Variants in PAPLN observed in about 807,000 individuals in gnomAD.
PAPLN encodes the protein papilin.
In PAPLN, 146 loss-of-function variants were observed where a neutral mutation model predicts 159.0. The observed-to-expected ratio is 0.92, with a 90% CI of 0.80 to 1.05. PAPLN has a LOEUF of 1.05. Among genes scored for constraint, PAPLN ranks in the 50% least tolerant of loss-of-function variants. PAPLN has a pLI of 0.00. For missense variants in PAPLN, 1,720 were observed against 1,743.9 expected (o/e 0.99, Z 0.24); for synonymous variants, 734 against 702.9 (o/e 1.04, Z -0.70).
Position 73,246,093 on chromosome 14 carries a change from G to C in PAPLN, c.252G>C (p.Arg84=), listed in dbSNP as rs1376639674. ...CGCAGAGCTGCCCCGACGGCGCCCG[G>C]GACTTCCGGGCCGAGCAGTGCGCGG... ...CRTESCPDGA[R]DFRAEQCAEF... The change falls in exon 5 of 27, where the codon CGG becomes CGC. Residue 84 remains arginine, a synonymous_variant. Coordinates refer to ENST00000644200, the MANE Select transcript of PAPLN (RefSeq NM_001365906.3). 4 of 1,574,718 alleles carry C rather than the reference G, an allele frequency of 2.5e-6. No individual in the cohort carries two copies. Among genetic ancestry groups the C allele is most frequent in the Admixed American group, 1.8e-5 (1 of 55,782 alleles).
At chr14:73,238,957 C>T (rs1381942429) in intron 1 of PAPLN, among the ~76,000 whole-genome samples, 2 of 152,182 alleles carry the variant, frequency 1.3e-5, no homozygotes, top group Non-Finnish European at 2.9e-5. Flanking sequence ...TGTCATTCTG[C>T]GATACAGCGA....
At chr14:73,248,958 C>G (rs1884918404) in intron 5 of PAPLN, among the ~76,000 whole-genome samples, 1 of 152,082 alleles carries the variant, frequency 6.6e-6, no homozygotes, top group Non-Finnish European at 1.5e-5. Flanking sequence ...TAGTGAGACC[C>G]TGTCTCTACA....
intron 12 of PAPLN, 66 bp from the exon 13 acceptor site, chr14:73,254,447 G>A: frequency 6.3e-7 from 1 of 1,578,180 alleles, no homozygotes; most frequent in Non-Finnish European, 8.6e-7. Flanking sequence ...TGGGCCGCTA[G>A]CTGTCCGAAC....
Position 73,252,685 on chromosome 14 carries a change from A to G in PAPLN, c.1004A>G (p.His335Arg), listed in dbSNP as rs1403957488. Residue 335 changes from histidine to arginine, a missense_variant, in exon 11 of 27, where the codon CAT becomes CGT. Coordinates refer to ENST00000644200, the MANE Select transcript of PAPLN (RefSeq NM_001365906.3). Reference protein sequence around the residue: ...QSRLVFCTIDHEAYPDHMCQR... With the variant: ...QSRLVFCTIDREAYPDHMCQR... ...CGCCTGGTGTTCTGCACCATCGACCATGAGGCCTACCCCGACCACATGTGC... is the reference window on the plus strand; with the variant it reads ...CGCCTGGTGTTCTGCACCATCGACCGTGAGGCCTACCCCGACCACATGTGC... 6.2e-7 allele frequency: 1 copy of G among 1,613,370 alleles called. No individual in the cohort carries two copies. The highest frequency in any genetic ancestry group is 2.2e-5 in the East Asian group (1 of 44,870).
rs772921950 is a variant in PAPLN at position 73,253,787 on chromosome 14, C to T, written c.1128C>T (p.Ala376=). The T allele has an allele frequency of 1.2e-6, 2 of 1,608,374 alleles. No homozygotes were observed. Among genetic ancestry groups the T allele is most frequent in the South Asian group, 2.2e-5 (2 of 90,842 alleles). The change falls in exon 12 of 27, where the codon GCC becomes GCT. Residue 376 remains alanine, a synonymous_variant. Transcript: ENST00000644200. Reference sequence around the variant, plus strand: ...CAGGGCCATGGGCACCCTGCTCAGCCTCCTGTGGAGGAGGCTCCCAGTCCC... The same window carrying T: ...CAGGGCCATGGGCACCCTGCTCAGCTTCCTGTGGAGGAGGCTCCCAGTCCC... The part of the protein sequence containing the change: ...WKAGPWAPCS[A]SCGGGSQSRS...
At position 73,268,695 on chromosome 14, in the gene PAPLN, C is replaced by A; in HGVS notation, c.3639C>A (p.Arg1213=). The A allele has an allele frequency of 6.2e-7, 1 of 1,613,054 alleles. No individual in the cohort carries two copies. The highest frequency in any genetic ancestry group is 2.2e-5 in the East Asian group (1 of 44,798). ...ACCAGGGGAGCCAGGCAGTCAGCCG[C>A]AGCACCGAGGTGAAGGTGGTCTCAC... ...SAYQGSQAVS[R]STEVKVVSPA... is the part of the protein sequence containing the mutation. The change falls in exon 26 of 27, where the codon CGC becomes CGA. Residue 1213 remains arginine (R), a synonymous_variant. Transcript: ENST00000644200.
Position 73,263,300 on chromosome 14 carries a change from G to C in PAPLN, c.2724-345G>C, listed in dbSNP as rs1456468667. ...GGGAAGGTTAAAAACAAAATTAAAA[G>C]CGTTGTGTTCCACATGGGTCGAGCG... On this transcript the variant is annotated intron_variant, in intron 19 of 26. Transcript: ENST00000644200. 3 of 405,590 alleles carry C rather than the reference G, an allele frequency of 7.4e-6. No homozygotes were observed. In the East Asian group the frequency reaches 1.2e-4, roughly 17 times the overall value. The allele number at this position is 405,590 out of a possible 1,614,324, so 25.1% of individuals were successfully genotyped here.
rs1253973801 is a variant in PAPLN, at chr14:73,260,072, G to T, written c.1985+527G>T. Among the ~76,000 whole-genome samples the T allele has an allele frequency of 1.3e-5, 2 of 152,310 alleles. 1 individual carries two copies. Among genetic ancestry groups the T allele is most frequent in the African/African-American group, 4.8e-5 (2 of 41,568 alleles). Reference sequence around the variant, plus strand: ...AGGTGCTTCTGGGCCCAGACTTTGTGGCCAGTAGCCTGGGGGCAGTTCCCA... The same window carrying T: ...AGGTGCTTCTGGGCCCAGACTTTGTTGCCAGTAGCCTGGGGGCAGTTCCCA... On this transcript the variant is annotated intron_variant, in intron 16 of 26. Coordinates refer to ENST00000644200, the MANE Select transcript of PAPLN (RefSeq NM_001365906.3).
intron 25 of PAPLN, chr14:73,268,232 A>G: frequency 4.0e-6 from 1 of 250,512 alleles, no homozygotes; most frequent in Non-Finnish European, 7.6e-6. Context: ...CGATGCTGAC[A>G]CACTATCTGG....
chr14:73,252,280 A>G, intron 10 of PAPLN, 139 bp downstream of exon 10: 2 of 1,334,076 alleles, frequency 1.5e-6, no homozygotes, highest in Non-Finnish European at 2.0e-6. Flanking sequence ...TCTCTGTGTT[A>G]TGGGGGTCGC....
At chr14:73,249,472 G>T (rs897316593) in intron 5 of PAPLN, among the ~76,000 whole-genome samples, 1 of 152,086 alleles carries the variant, frequency 6.6e-6, no homozygotes, top group Non-Finnish European at 1.5e-5. Flanking sequence ...TCAGGAGTTC[G>T]AGACCAGCCT....
At position 73,245,339 on chromosome 14, in the gene PAPLN, T is replaced by G; in HGVS notation, c.171-297T>G. 1 of 436,458 alleles carries G rather than the reference T, an allele frequency of 2.3e-6. No individual in the cohort carries two copies. Among genetic ancestry groups the G allele is most frequent in the Non-Finnish European group, 4.2e-6 (1 of 238,372 alleles). The allele number at this position is 436,458 out of a possible 1,614,324, so 27.0% of individuals were successfully genotyped here. A position where few individuals can be genotyped will look rare whatever the true frequency, so the allele number is the denominator to read the frequency against. ...AGGATGGCTGTGCCAAGCGGGTGGG[T>G]ATTATATCTCATGCACCTCGGGTCT... On this transcript the variant is annotated intron_variant, in intron 3 of 26. Transcript: ENST00000644200. This position sits in a 1 kb window ranked among gnomAD's most constrained non-coding sequence, Gnocchi z 4.2.
chr14:73,257,682 T>G (rs1259640925), intron 14 of PAPLN, among the ~76,000 whole-genome samples: 1 of 151,482 alleles, frequency 6.6e-6, no homozygotes, highest in Non-Finnish European at 1.5e-5. Context: ...TGAGCAGCCA[T>G]GTACACACTA....
intron 22 of PAPLN, 58 bp downstream of exon 22, chr14:73,264,784 C>G (rs554430902): frequency 6.2e-7 from 1 of 1,603,974 alleles, no homozygotes; most frequent in Non-Finnish European, 8.5e-7. Context: ...GGCCGGGGGT[C>G]TCAGTGGATA....
At chr14:73,268,359 A>G (rs1355473502) in intron 25 of PAPLN, 198 bp from the exon 26 acceptor site, 1 of 515,758 alleles carries the variant, frequency 1.9e-6, no homozygotes, top group African/African-American at 2.0e-5. Context: ...GGATCTCCCA[A>G]GGTTGGAGGG....
chr14:73,263,091 C>A (rs576132264), intron 19 of PAPLN: 3 of 405,136 alleles, frequency 7.4e-6, no homozygotes, highest in South Asian at 1.1e-4. Flanking sequence ...CGCCAGTATA[C>A]CCCGGGGCCT....
At chr14:73,248,649 G>A (rs969921581) in intron 5 of PAPLN, among the ~76,000 whole-genome samples, 1 of 151,518 alleles carries the variant, frequency 6.6e-6, no homozygotes, top group South Asian at 2.1e-4. Context: ...CCAAAAATAC[G>A]AAGATTAGCC....
rs1886728745 is a variant in PAPLN at position 73,262,741 on chromosome 14, A to G, written c.2637A>G (p.Pro879=). ...APHTQAFGEW[P]WGQELGSRAP... is the part of the protein sequence containing the mutation. ...ACACCCAGGCCTTTGGAGAATGGCC[A>G]TGGGGGCAGGAGCTTGGGTCCAGGG... Residue 879 remains proline, a synonymous_variant, in exon 19 of 27, where the codon CCA becomes CCG. Transcript: ENST00000644200. 2 of 1,513,110 alleles carry G rather than the reference A, an allele frequency of 1.3e-6. No homozygotes were observed. Among genetic ancestry groups the G allele is most frequent in the Middle Eastern group, 2.2e-4 (1 of 4,446 alleles). The allele number at this position is 1,513,110 out of a possible 1,614,324, so 93.7% of individuals were successfully genotyped here.
At chr14:73,250,612 C>T (rs563789780) in intron 6 of PAPLN, among the ~76,000 whole-genome samples, 32 of 152,294 alleles carry the variant, frequency 2.1e-4, no homozygotes, top group African/African-American at 7.5e-4. Context: ...GGGACTTACC[C>T]TGAACCACTC....
Sources: allele counts gnomAD v4.1 joint callset (sites outside exome capture counted in the v4.1 genomes callset), GRCh38; gene constraint gnomAD v4.1.1; non-coding constraint Gnocchi (gnomAD v3.1); transcripts MANE v1.5; gene names NCBI Gene and HGNC (gene_info 2026-07-23, HGNC 2026-07-21).